Variants in TRRAP observed in about 807,000 individuals in gnomAD.
TRRAP encodes transformation/transcription domain-associated protein.
Under a neutral mutation model 438.8 loss-of-function variants are expected in TRRAP, and 41 were observed. The ratio of observed to expected loss-of-function variants is 0.09; its 90% CI spans 0.07 to 0.12. TRRAP has a LOEUF of 0.12. Among genes scored for constraint, TRRAP ranks in the 10% least tolerant of loss-of-function variants. The pLI is 1.00. For synonymous variants in TRRAP, 1,994 were observed against 1,962.9 expected (o/e 1.02, Z -0.42); for missense variants, 3,122 against 5,055.1 (o/e 0.62, Z 11.60).
intron 31 of TRRAP, among the ~76,000 whole-genome samples, chr7:98,944,771 G>A (rs1425329944): frequency 6.6e-6 from 1 of 152,158 alleles, no homozygotes; most frequent in African/African-American, 2.4e-5. Flanking sequence ...AGATATGCTA[G>A]ATCGTTGACT....
rs1794111776 is a variant in TRRAP, at chr7:99,005,317, G to A, written c.10722G>A (p.Lys3574=). Residue 3574 remains lysine (K), a synonymous_variant, in exon 69 of 73, where the codon AAG becomes AAA. Coordinates refer to ENST00000456197, the MANE Select transcript of TRRAP (RefSeq NM_001375524.1). This position sits in a 1 kb window ranked among gnomAD's most constrained non-coding sequence, Gnocchi z 5.1. ...RLLNPCLEKR[K]ETTKRHLFFT... ...TGAACCCCTGTTTGGAGAAGAGAAA[G>A]GAGACCACCAAGAGGCACTTGTTTT... 6.2e-7 allele frequency: 1 copy of A among 1,613,978 alleles called. No homozygotes were observed. The highest frequency in any genetic ancestry group is 1.3e-5 in the African/African-American group (1 of 74,934).
At chr7:98,952,325 C>T (rs1791380014) in intron 39 of TRRAP, among the ~76,000 whole-genome samples, 1 of 152,122 alleles carries the variant, frequency 6.6e-6, no homozygotes, top group African/African-American at 2.4e-5. Context: ...AGACATTTTT[C>T]CAGGTCACAT....
At chr7:98,885,032 G>A (rs1562924215) in intron 3 of TRRAP, among the ~76,000 whole-genome samples, 1 of 152,038 alleles carries the variant, frequency 6.6e-6, no homozygotes, top group Non-Finnish European at 1.5e-5. Flanking sequence ...TTTGAGGGAG[G>A]CATGTCTCAC....
At chr7:98,933,156 C>G in intron 26 of TRRAP, 85 bp from the exon 27 acceptor site, 1 of 1,451,810 alleles carries the variant, frequency 6.9e-7, no homozygotes, top group Non-Finnish European at 9.1e-7. Context: ...AACTTTGGAT[C>G]TCAAACATGG....
At chr7:98,983,554 G>GGTTTGGTTT in intron 60 of TRRAP, 95 bp downstream of exon 60, 1 of 1,444,400 alleles carries the variant, frequency 6.9e-7, no homozygotes, top group South Asian at 1.3e-5. Context: ...GGTTTGGTTT[G>GGTTTGGTTT]GTTTTTTTTT....
In TRRAP at chr7:98,921,526, C is replaced by T. The variant is rs149729315; in HGVS notation, c.2623-227C>T. ...AAATAGCTGGGATTACAACAGCCTG[C>T]CACCACGCCTGGCTAATTTTTGTAT... On this transcript the variant is annotated intron_variant, in intron 20 of 72. Coordinates refer to ENST00000456197, the MANE Select transcript of TRRAP (RefSeq NM_001375524.1). 2.2e-4 allele frequency among the ~76,000 whole-genome samples: 34 copies of T among 152,306 alleles called. No individual in the cohort carries two copies. In the East Asian group the frequency reaches 6.6e-3, roughly 29 times the overall value.
chr7:98,978,899 G>A lies in TRRAP; in HGVS notation c.8629G>A (p.Val2877Met), dbSNP rs765507339. Residue 2877 changes from valine (V) to methionine (M), a missense_variant, in exon 58 of 73, where the codon GTG becomes ATG. By Grantham distance (21) the Val-to-Met change is conservative. This residue lies in a region of TRRAP where 992 missense variants were observed against 1,281.2 expected (regional missense o/e 0.77). Coordinates refer to ENST00000456197, the MANE Select transcript of TRRAP (RefSeq NM_001375524.1). ...CTGGACTGCCATGAAGGAGGCGCTG[G>A]TGCAGGTGAGACGCCCCGGGGGCAT... ...SNWTAMKEALVQVEVSCPKEM... is the reference protein window; with the variant it reads ...SNWTAMKEALMQVEVSCPKEM... 4.7e-5 allele frequency: 76 copies of A among 1,613,852 alleles called. No homozygotes were observed. Among genetic ancestry groups the A allele is most frequent in the Non-Finnish European group, 6.0e-5 (71 of 1,180,044 alleles).
chr7:98,914,639 T>C (rs553838919), intron 18 of TRRAP, among the ~76,000 whole-genome samples: 2 of 125,376 alleles, frequency 1.6e-5, no homozygotes, highest in Admixed American at 2.1e-4. Context: ...TGCTTGAACC[T>C]GGGAGGCGGA....
chr7:98,976,595 C>G lies in TRRAP; in HGVS notation c.8072C>G (p.Pro2691Arg). 6.2e-7 allele frequency: 1 copy of G among 1,614,162 alleles called. No homozygotes were observed. The change falls in exon 55 of 73, where the codon CCG becomes CGG. Residue 2691 changes from proline to arginine, a missense_variant. By Grantham distance (103) the Pro-to-Arg change is moderately radical. Coordinates refer to ENST00000456197, the MANE Select transcript of TRRAP (RefSeq NM_001375524.1). The surrounding 1 kb of genome is among the most constrained non-coding windows in gnomAD (Gnocchi z 4.6). Reference protein sequence around the residue: ...CFVEAMSQCVPPIPIRPCVLK... With the variant: ...CFVEAMSQCVRPIPIRPCVLK... The stretch of plus-strand genomic sequence containing the variant: ...GTGGAAGCCATGTCCCAGTGCGTGC[C>G]GCCAATCCCCATCCGACCCTGCGTC...
At chr7:98,933,121 TC>T (rs1265564528) in intron 26 of TRRAP, 119 bp from the exon 27 acceptor site, 1 of 1,338,658 alleles carries the variant, frequency 7.5e-7, no homozygotes, top group East Asian at 2.6e-5. Context: ...TATCTCCCGT[TC>T]CCTAATGAGA....
In TRRAP at chr7:98,976,074, G is replaced by A; in HGVS notation, c.7840-75G>A. The A allele has an allele frequency of 1.3e-6, 2 of 1,570,826 alleles. No homozygotes were observed. The highest frequency in any genetic ancestry group is 1.8e-5 in the Admixed American group (1 of 56,850). On this transcript the variant is annotated intron_variant, in intron 53 of 72. Coordinates refer to ENST00000456197, the MANE Select transcript of TRRAP (RefSeq NM_001375524.1). This position sits in a 1 kb window ranked among gnomAD's most constrained non-coding sequence, Gnocchi z 4.6. ...TCGGTAATGTATGAGACAGATCATGGGTGTCTTCTGAGCGTGGTTGTGCGA... is the reference window on the plus strand; with the variant it reads ...TCGGTAATGTATGAGACAGATCATGAGTGTCTTCTGAGCGTGGTTGTGCGA...
At chr7:98,942,797 C>A in intron 30 of TRRAP, 152 bp from the exon 31 acceptor site, 1 of 798,934 alleles carries the variant, frequency 1.3e-6, no homozygotes, top group Non-Finnish European at 2.0e-6. Context: ...GCCAGTTATT[C>A]TCATCACTAG....
At chr7:98,978,707 C>T in intron 57 of TRRAP, 62 bp from the exon 58 acceptor site, 1 of 1,607,982 alleles carries the variant, frequency 6.2e-7, no homozygotes. Flanking sequence ...CTGTCCCTGC[C>T]TTTGTGAATT....
At chr7:98,972,707 G>A (rs907131494) in intron 53 of TRRAP, among the ~76,000 whole-genome samples, 3 of 152,214 alleles carry the variant, frequency 2.0e-5, no homozygotes, top group African/African-American at 7.2e-5. Context: ...GTTCTTTCAG[G>A]AGCTGGGTGA....
chr7:98,964,897 C>T (rs1287537341), intron 48 of TRRAP, 122 bp downstream of exon 48: 23 of 1,236,690 alleles, frequency 1.9e-5, no homozygotes, highest in South Asian at 3.9e-5. Flanking sequence ...GTTGTTTGGT[C>T]GTAAATCGTT....
chr7:98,977,167 G>A lies in TRRAP; in HGVS notation c.8385+91G>A, dbSNP rs1400279215. The A allele has an allele frequency of 6.4e-6, 10 of 1,559,704 alleles. No individual in the cohort carries two copies. In the East Asian group the frequency reaches 9.1e-5, roughly 14 times the overall value. On this transcript the variant is annotated intron_variant, in intron 56 of 72. Transcript: ENST00000456197. ...AAAATGTCCTCAAGTCGGAGTTCACGTTCTCTTTTTTTGAGATGGAGTCTT... is the reference window on the plus strand; with the variant it reads ...AAAATGTCCTCAAGTCGGAGTTCACATTCTCTTTTTTTGAGATGGAGTCTT...
At chr7:98,890,533 T>TA (rs1318044307) in intron 4 of TRRAP, 88 bp downstream of exon 4, 2 of 932,836 alleles carry the variant, frequency 2.1e-6, no homozygotes, top group African/African-American at 3.5e-5. Flanking sequence ...CGGTTCCACT[T>TA]AAAAACGAAA....
At chr7:98,881,610 AT>A in intron 2 of TRRAP, 2 of 276,520 alleles carry the variant, frequency 7.2e-6, no homozygotes, top group Non-Finnish European at 1.4e-5. Flanking sequence ...AATATGACAC[AT>A]TTATCTCAGC....
Position 98,976,956 on chromosome 7 carries a change from T to C in TRRAP, c.8265T>C (p.Leu2755=). The C allele has an allele frequency of 6.2e-7, 1 of 1,614,194 alleles. No homozygotes were observed. The highest frequency in any genetic ancestry group is 8.5e-7 in the Non-Finnish European group (1 of 1,180,042). ...GTTTTCAGGAGATACTGGATTCCCT[T>C]GCGGAGCTTTACTCCCTGTTACAAG... is the stretch of plus-strand genomic sequence containing the variant. ...TPPQQEILDS[L]AELYSLLQEE... is the part of the protein sequence containing the mutation. The change falls in exon 56 of 73, where the codon CTT becomes CTC. Residue 2755 remains leucine (L), a synonymous_variant. Coordinates refer to ENST00000456197, the MANE Select transcript of TRRAP (RefSeq NM_001375524.1). This position sits in a 1 kb window ranked among gnomAD's most constrained non-coding sequence, Gnocchi z 4.6.
Sources: gnomAD v4.1 joint callset for allele counts (sites outside exome capture counted in the v4.1 genomes callset) on GRCh38, gnomAD v4.1.1 for gene constraint, gnomAD v4.1.1 regional missense constraint, Gnocchi (gnomAD v3.1) non-coding constraint, MANE v1.5 for transcripts, NCBI Gene and HGNC (gene_info 2026-07-23, HGNC 2026-07-21) for gene names.